Variants in CRISPLD2 observed in about 807,000 individuals in gnomAD.
The protein encoded by CRISPLD2 is cysteine-rich secretory protein LCCL domain-containing 2.
A neutral mutation model predicts 71.1 loss-of-function variants in CRISPLD2; 47 were observed. That is an observed-to-expected ratio of 0.66 (90% CI 0.52 to 0.84). CRISPLD2 has a LOEUF of 0.84. Ranked by LOEUF, CRISPLD2 falls within the 40% of genes least tolerant of loss-of-function variation. The probability of loss-of-function intolerance (pLI) is 0.00; values close to 1 mark genes in which losing one functional copy is unlikely to be tolerated. For synonymous variants in CRISPLD2, 317 were observed against 250.1 expected (o/e 1.27, Z -2.52); for missense variants, 830 against 651.1 (o/e 1.27, Z -2.99).
In CRISPLD2 at chr16:84,849,041, C is replaced by G. The variant is rs74839090; in HGVS notation, c.360-344C>G. ...TAAGAGCCAGGTGAAGAGATTCCTG[C>G]ACGTGCAGGTGGTGTATGAGCCACC... On this transcript the variant is annotated intron_variant, in intron 3 of 14. Coordinates refer to ENST00000262424, the MANE Select transcript of CRISPLD2 (RefSeq NM_031476.4). Among the ~76,000 whole-genome samples, 917 of 151,558 alleles carry G rather than the reference C, an allele frequency of 6.1e-3. 13 individuals carry two copies. The highest frequency in any genetic ancestry group is 0.022 in the African/African-American group (890 of 41,288).
At position 84,855,953 on chromosome 16, in the gene CRISPLD2, G is replaced by A. The variant is rs1361380904; in HGVS notation, c.709+1124G>A. Reference sequence around the variant, plus strand: ...ATGAAGATATTTTCTTAGTACAAGTGTATACATGCACAAGCAAGTTTTTAA... The same window carrying A: ...ATGAAGATATTTTCTTAGTACAAGTATATACATGCACAAGCAAGTTTTTAA... On this transcript the variant is annotated intron_variant, in intron 6 of 14. Transcript: ENST00000262424. Among the ~76,000 whole-genome samples the A allele has an allele frequency of 3.3e-5, 5 of 152,208 alleles. No individual in the cohort carries two copies. The East Asian group carries it at 5.8e-4, about 18-fold the overall frequency.
At chr16:84,894,669 C>T (rs2071690724) in intron 14 of CRISPLD2, among the ~76,000 whole-genome samples, 2 of 152,186 alleles carry the variant, frequency 1.3e-5, no homozygotes, top group Admixed American at 1.3e-4. Context: ...ATGCATTTTA[C>T]TTATCCCAAT....
chr16:84,858,407 G>T (rs1423425863), intron 6 of CRISPLD2, among the ~76,000 whole-genome samples: 5 of 152,196 alleles, frequency 3.3e-5, no homozygotes, highest in African/African-American at 1.2e-4. Context: ...TTGATTGTAG[G>T]AGGGGCCAAA....
chr16:84,825,238 G>A (rs1597443044), intron 1 of CRISPLD2, among the ~76,000 whole-genome samples: 2 of 151,156 alleles, frequency 1.3e-5, no homozygotes, highest in Non-Finnish European at 3.0e-5. Context: ...GAACTGAGAG[G>A]CTGTTATAAT....
At chr16:84,848,448 C>T (rs1455579590) in intron 3 of CRISPLD2, among the ~76,000 whole-genome samples, 1 of 138,058 alleles carries the variant, frequency 7.2e-6, no homozygotes, top group African/African-American at 2.6e-5. Flanking sequence ...GTTTGGTTTT[C>T]TCCCTAGTTA....
intron 7 of CRISPLD2, 77 bp from the exon 8 acceptor site, chr16:84,868,774 G>T: frequency 8.8e-7 from 1 of 1,136,032 alleles, no homozygotes; most frequent in East Asian, 2.4e-5. Flanking sequence ...GTTCCAGAAT[G>T]TCCCTCAGCA....
intron 13 of CRISPLD2, among the ~76,000 whole-genome samples, chr16:84,888,806 A>G (rs963487222): frequency 6.6e-6 from 1 of 152,214 alleles, no homozygotes; most frequent in African/African-American, 2.4e-5. Context: ...TTCCCTGAGC[A>G]GTTCCCCCTG....
At chr16:84,885,162 T>A (rs2071601398) in intron 13 of CRISPLD2, among the ~76,000 whole-genome samples, 1 of 152,100 alleles carries the variant, frequency 6.6e-6, no homozygotes, top group South Asian at 2.1e-4. Context: ...CGGGGGTGGA[T>A]TCTGAAACAA....
At chr16:84,861,911 C>T (rs1334101568) in intron 6 of CRISPLD2, among the ~76,000 whole-genome samples, 3 of 152,160 alleles carry the variant, frequency 2.0e-5, no homozygotes, top group Admixed American at 2.0e-4. Flanking sequence ...GCCTGGGCAA[C>T]ACAGCGAGAC....
chr16:84,874,614 C>A (rs761566076), intron 11 of CRISPLD2, among the ~76,000 whole-genome samples: 1 of 152,200 alleles, frequency 6.6e-6, no homozygotes, highest in African/African-American at 2.4e-5. Flanking sequence ...GCCGGCAGAC[C>A]ATGCCTTTGT....
At chr16:84,834,587 C>G (rs186550272) in intron 1 of CRISPLD2, among the ~76,000 whole-genome samples, 226 of 152,324 alleles carry the variant, frequency 1.5e-3, no homozygotes, top group African/African-American at 5.3e-3. Flanking sequence ...TTTACAATAG[C>G]CAGGGGCATA....
At chr16:84,867,133 C>T in intron 7 of CRISPLD2, 93 bp downstream of exon 7, 1 of 1,344,150 alleles carries the variant, frequency 7.4e-7, no homozygotes, top group Non-Finnish European at 1.0e-6. Context: ...GGATTTAGGT[C>T]TGCAAATCCA....
At chr16:84,850,468 G>C in intron 4 of CRISPLD2, 100 bp from the exon 5 acceptor site, 3 of 888,352 alleles carry the variant, frequency 3.4e-6, no homozygotes, top group East Asian at 2.4e-5. Context: ...CCTTCACCTC[G>C]TACCTCTTTA....
intron 6 of CRISPLD2, among the ~76,000 whole-genome samples, chr16:84,855,294 A>G (rs1425137094): frequency 6.6e-6 from 1 of 152,202 alleles, no homozygotes; most frequent in Non-Finnish European, 1.5e-5. Flanking sequence ...AAATATGTAT[A>G]TATGAGTTTA....
At chr16:84,838,912 A>G (rs1430311559) in intron 2 of CRISPLD2, 177 bp downstream of exon 2, 21 of 852,184 alleles carry the variant, frequency 2.5e-5, no homozygotes, top group Non-Finnish European at 4.0e-5. Flanking sequence ...GTTTTGAGAC[A>G]GGGTCTCACT....
intron 1 of CRISPLD2, among the ~76,000 whole-genome samples, chr16:84,832,264 A>T (rs1916507099): frequency 6.6e-6 from 1 of 151,962 alleles, no homozygotes; most frequent in African/African-American, 2.4e-5. Context: ...AGGGCCTGTC[A>T]CTCCCCTCCA....
In CRISPLD2 at chr16:84,838,933, C is replaced by T. The variant is rs188437049; in HGVS notation, c.240+198C>T. The T allele has an allele frequency of 2.9e-4, 221 of 760,940 alleles. 1 individual carries two copies. The African/African-American group carries it at 3.1e-3, about 11-fold the overall frequency. 47.1% of individuals were successfully genotyped at this position (760,940 alleles called of 1,614,324 possible). The stretch of plus-strand genomic sequence containing the variant: ...AGACAGGGTCTCACTCTGCCACTGA[C>T]GCTGGAGTGCAATGGCACAATCGTC... On this transcript the variant is annotated intron_variant, in intron 2 of 14. Coordinates refer to ENST00000262424, the MANE Select transcript of CRISPLD2 (RefSeq NM_031476.4).
chr16:84,850,750 A>G, intron 5 of CRISPLD2, 67 bp downstream of exon 5: 1 of 1,263,882 alleles, frequency 7.9e-7, no homozygotes, highest in Middle Eastern at 1.9e-4. Flanking sequence ...GGGAGCACCC[A>G]GTGAAAACTG....
chr16:84,857,824 A>G (rs1917282428), intron 6 of CRISPLD2, among the ~76,000 whole-genome samples: 1 of 152,190 alleles, frequency 6.6e-6, no homozygotes, highest in African/African-American at 2.4e-5. Flanking sequence ...CAGTTGAGCC[A>G]CTTCCTTATG....
Sources: gnomAD v4.1 joint callset for allele counts (sites outside exome capture counted in the v4.1 genomes callset) on GRCh38, gnomAD v4.1.1 for gene constraint, MANE v1.5 for transcripts, NCBI Gene and HGNC (gene_info 2026-07-23, HGNC 2026-07-21) for gene names.